MZT2B: variants seen among roughly 807,000 people sequenced by gnomAD.
MZT2B encodes mitotic spindle organizing protein 2B.
In MZT2B, 11 loss-of-function variants were observed where a neutral mutation model predicts 12.1. The ratio of observed to expected loss-of-function variants is 0.91; its 90% CI spans 0.57 to 1.50. MZT2B has a LOEUF of 1.50. MZT2B is among the 40% of genes most tolerant of loss of function. MZT2B has a pLI of 0.00. For synonymous variants in MZT2B, 85 were observed against 109.5 expected, an observed-to-expected ratio of 0.78 and a Z score of 1.40; for missense variants, 209 against 227.7, an observed-to-expected ratio of 0.92 and a Z score of 0.53.
intron 2 of MZT2B, among the ~76,000 whole-genome samples, chr2:130,186,851 A>G (rs1163053927): frequency 6.6e-6 from 1 of 151,728 alleles, no homozygotes; most frequent in Non-Finnish European, 1.5e-5. Context: ...GGTTGCAGTG[A>G]GCTGTGACTG....
At chr2:130,192,360 G>A (rs1690285092), downstream of MZT2B, among the ~76,000 whole-genome samples, 1 of 152,186 alleles carries the variant, frequency 6.6e-6, no homozygotes, top group Admixed American at 6.5e-5. Context: ...TACCTAAAGG[G>A]CTGTGTCCTA....
rs772724426 is a variant in MZT2B, at chr2:130,182,745, C to G, written c.289C>G (p.Leu97Val). Residue 97 changes from leucine (L) to valine (V), a missense_variant, in exon 2 of 3, where the codon CTG becomes GTG. Transcript: ENST00000281871. ...SEPQDPAAVS[L>V]PTSSVPETRG... Reference sequence around the variant, plus strand: ...GCCCCAGGACCCTGCGGCCGTGTCTCTGCCCACGTCGAGCGTGCCCGAGAC... The same window carrying G: ...GCCCCAGGACCCTGCGGCCGTGTCTGTGCCCACGTCGAGCGTGCCCGAGAC... 13 of 1,522,158 alleles carry G rather than the reference C, an allele frequency of 8.5e-6. No homozygotes were observed. The South Asian group carries it at 1.6e-4, about 19-fold the overall frequency. The allele number at this position is 1,522,158 out of a possible 1,614,324, so 94.3% of individuals were successfully genotyped here.
chr2:130,195,291 C>A (rs554201637), downstream of MZT2B: 58 of 1,576,212 alleles, frequency 3.7e-5, no homozygotes, highest in Non-Finnish European at 4.9e-5. Flanking sequence ...TGGACACATT[C>A]CAGGAGTGTT....
At chr2:130,192,283 G>T (rs1290700592), downstream of MZT2B, among the ~76,000 whole-genome samples, 1 of 152,206 alleles carries the variant, frequency 6.6e-6, no homozygotes, top group Non-Finnish European at 1.5e-5. Flanking sequence ...ACCAGGCAGG[G>T]TGATAGTTCC....
At chr2:130,193,939 CTGAT>C (rs1558782923), downstream of MZT2B, 1 of 1,613,998 alleles carries the variant, frequency 6.2e-7, no homozygotes, top group South Asian at 1.1e-5. Flanking sequence ...ACTTGACCAT[CTGAT>C]TGGCTGGCTC....
the MZT2B span, among the ~76,000 whole-genome samples, chr2:130,201,362 C>T: frequency 3.3e-5 from 5 of 152,304 alleles, no homozygotes; most frequent in East Asian, 9.7e-4. Flanking sequence ...GTTCTGGAGG[C>T]TAAAAGCCCC....
chr2:130,199,635 A>T, the MZT2B span, among the ~76,000 whole-genome samples: 1 of 122,876 alleles, frequency 8.1e-6, no homozygotes, highest in Non-Finnish European at 1.8e-5. Context: ...CAGCAGTTAT[A>T]AGTGGGTTTT....
the MZT2B span, chr2:130,196,492 G>A: frequency 8.7e-6 from 12 of 1,386,618 alleles, no homozygotes; most frequent in African/African-American, 1.5e-5. Flanking sequence ...TTTCACAATC[G>A]ATATTTCCTA....
downstream of MZT2B, chr2:130,193,797 T>C: frequency 6.2e-7 from 1 of 1,607,990 alleles, no homozygotes; most frequent in Non-Finnish European, 8.5e-7. Flanking sequence ...TTAAATCCAG[T>C]CGGGCACCAA....
the MZT2B span, among the ~76,000 whole-genome samples, chr2:130,202,816 G>A: frequency 2.0e-5 from 3 of 152,120 alleles, no homozygotes; most frequent in African/African-American, 4.8e-5. Flanking sequence ...GCAGTGACAC[G>A]CTGCGCCTGA....
chr2:130,191,892 T>G, downstream of MZT2B: 1 of 1,613,776 alleles, frequency 6.2e-7, no homozygotes, highest in Non-Finnish European at 8.5e-7. Context: ...CTCTTCACAA[T>G]CCTTCTCTAG....
chr2:130,184,351 A>G lies in MZT2B; in HGVS notation c.319+1576A>G, dbSNP rs1689968628. The G allele has an allele frequency of 5.1e-6, 5 of 985,432 alleles. No individual in the cohort carries two copies. In the South Asian group the frequency reaches 2.3e-4, roughly 46 times the overall value. The allele number at this position is 985,432 out of a possible 1,614,324, so 61.0% of individuals were successfully genotyped here. A position where few individuals can be genotyped will look rare whatever the true frequency, so the allele number is the denominator to read the frequency against. On this transcript the variant is annotated intron_variant, in intron 2 of 2. Transcript: ENST00000281871. ...GAAGTTGTCCCTTATCTGGACAGGAAGTCTGGAGGCTGAAACAGAGACTCC... is the reference window on the plus strand; with the variant it reads ...GAAGTTGTCCCTTATCTGGACAGGAGGTCTGGAGGCTGAAACAGAGACTCC...
At position 130,185,076 on chromosome 2, in the gene MZT2B, G is replaced by A. The variant is rs188223829; in HGVS notation, c.319+2301G>A. On this transcript the variant is annotated intron_variant, in intron 2 of 2. Transcript: ENST00000281871. ...TGTAATCCCAGCACTTTGGGAGGCC[G>A]AGGCGGGCGGATCTCGAGGTCAGGA... Among the ~76,000 whole-genome samples the A allele has an allele frequency of 5.5e-3, 833 of 152,270 alleles. 12 individuals are homozygous for A. The highest frequency in any genetic ancestry group is 0.019 in the African/African-American group (779 of 41,548).
At chr2:130,191,730 T>C (rs10200523), downstream of MZT2B, 627,304 of 1,527,736 alleles carry the variant, frequency 0.41, 130,797 homozygotes, top group African/African-American at 0.61. Flanking sequence ...CTAAGCTGCA[T>C]GACACTCAGA....
chr2:130,198,037 A>G, the MZT2B span, among the ~76,000 whole-genome samples: 81 of 123,620 alleles, frequency 6.6e-4, 29 homozygotes, highest in South Asian at 0.021. Flanking sequence ...TGTTTCCAGT[A>G]GCACAAAGAC....
At chr2:130,200,239 A>C in the MZT2B span, among the ~76,000 whole-genome samples, 2 of 152,026 alleles carry the variant, frequency 1.3e-5, no homozygotes, top group Admixed American at 1.3e-4. Flanking sequence ...AAAATACAAA[A>C]AATTAGCCGG....
At chr2:130,192,792 C>T (rs34909360), downstream of MZT2B, among the ~76,000 whole-genome samples, 2 of 152,102 alleles carry the variant, frequency 1.3e-5, no homozygotes, top group African/African-American at 2.4e-5. Context: ...TCAGCAAACT[C>T]GTTCTATAAA....
At position 130,182,325 on chromosome 2, in the gene MZT2B, C is replaced by G. The variant is rs758360579; in HGVS notation, c.43C>G (p.Pro15Ala). ...GVGPGPGSAAPPGLEAARQKL... is the reference protein window; with the variant it reads ...GVGPGPGSAAAPGLEAARQKL... The stretch of plus-strand genomic sequence containing the variant: ...AGGGCCTGGGCCGGGGTCGGCGGCG[C>G]CCCCGGGGCTGGAGGCGGCCCGGCA... The change falls in exon 1 of 3, where the codon CCC becomes GCC. Residue 15 changes from proline (P) to alanine (A), a missense_variant. By Grantham distance (27) the Pro-to-Ala change is conservative. Coordinates refer to ENST00000281871, the MANE Select transcript of MZT2B (RefSeq NM_025029.5). 3.9e-6 allele frequency: 6 copies of G among 1,520,942 alleles called. No individual in the cohort carries two copies. The Admixed American group carries it at 8.0e-5, about 20-fold the overall frequency. The allele number at this position is 1,520,942 out of a possible 1,614,324, so 94.2% of individuals were successfully genotyped here.
the MZT2B span, among the ~76,000 whole-genome samples, chr2:130,202,029 G>C: frequency 1.2e-4 from 19 of 152,242 alleles, no homozygotes; most frequent in African/African-American, 4.1e-4. Flanking sequence ...CATATTCCCA[G>C]TAGACAGTGT....
Sources: gnomAD v4.1 joint callset for allele counts (sites outside exome capture counted in the v4.1 genomes callset) on GRCh38, gnomAD v4.1.1 for gene constraint, MANE v1.5 for transcripts, NCBI Gene and HGNC (gene_info 2026-07-23, HGNC 2026-07-21) for gene names.